Variants in ADGRD1 observed in about 807,000 individuals in gnomAD.
ADGRD1 encodes the protein G-protein coupled receptor 133.
A neutral mutation model predicts 113.4 loss-of-function variants in ADGRD1; 77 were observed. The ratio of observed to expected loss-of-function variants is 0.68; its 90% CI spans 0.57 to 0.82. ADGRD1 has a LOEUF of 0.82. ADGRD1 is among the 40% of genes least tolerant of loss of function. ADGRD1 has a pLI of 0.00. For synonymous variants in ADGRD1, 474 were observed against 475.0 expected (o/e 1.00, Z 0.03); for missense variants, 1,036 against 1,139.1 (o/e 0.91, Z 1.30).
intron 11 of ADGRD1, 96 bp downstream of exon 11, chr12:131,004,392 G>GCTGCGGTGTTCCCCCGGGCCGC: frequency 1.3e-6 from 1 of 790,718 alleles, no homozygotes. Flanking sequence ...GCGCCAGGGA[G>GCTGCGGTGTTCCCCCGGGCCGC]CTGCGGTGCT....
chr12:130,963,161 A>G (rs1870571879), intron 2 of ADGRD1: 1 of 152,006 alleles, frequency 6.6e-6, no homozygotes, highest in Non-Finnish European at 1.5e-5. Context: ...TCTACTACAA[A>G]TACAAAAAAT....
Position 130,971,526 on chromosome 12 carries a change from T to C in ADGRD1, c.256T>C (p.Tyr86His). Residue 86 changes from tyrosine (Y) to histidine (H), a missense_variant, in exon 4 of 25, where the codon TAC becomes CAC. Coordinates refer to ENST00000261654, the MANE Select transcript of ADGRD1 (RefSeq NM_198827.5). The surrounding 1 kb of genome is among the most constrained non-coding windows in gnomAD (Gnocchi z 4.2). ...KEEKGVTLLY[Y>H]GRYNSSCISK... ...GGAAAAGGGAGTCACGCTTCTCTAT[T>C]ACGGCAGGTACAACAGCTCCTGCAT... The C allele has an allele frequency of 6.2e-7, 1 of 1,613,668 alleles. No homozygotes were observed. Among genetic ancestry groups the C allele is most frequent in the Admixed American group, 1.7e-5 (1 of 59,952 alleles).
chr12:130,966,527 A>G lies in ADGRD1; in HGVS notation c.168A>G (p.Glu56=). ...TGGAGAATGTGGATGGGATCCATGAACTTCAGGATACAACTGGAGGTAGAG... is the reference window on the plus strand; with the variant it reads ...TGGAGAATGTGGATGGGATCCATGAGCTTCAGGATACAACTGGAGGTAGAG... ...WPLENVDGIH[E]LQDTTGDIVE... is the part of the protein sequence containing the mutation. The change falls in exon 3 of 25, where the codon GAA becomes GAG. Residue 56 remains glutamate, a synonymous_variant. Transcript: ENST00000261654. The surrounding 1 kb of genome is among the most constrained non-coding windows in gnomAD (Gnocchi z 4.6). The G allele has an allele frequency of 3.1e-6, 5 of 1,608,114 alleles. No individual in the cohort carries two copies. Among genetic ancestry groups the G allele is most frequent in the Non-Finnish European group, 4.3e-6 (5 of 1,174,546 alleles).
In ADGRD1 at chr12:130,966,332, T is replaced by C; in HGVS notation, c.104-131T>C. 1.7e-6 allele frequency: 1 copy of C among 598,762 alleles called. No individual in the cohort carries two copies. Among genetic ancestry groups the C allele is most frequent in the Non-Finnish European group, 3.0e-6 (1 of 333,610 alleles). The allele number at this position is 598,762 out of a possible 1,614,324, so 37.1% of individuals were successfully genotyped here. ...AGTGTGTGTTGAATTTTATTAAATA[T>C]GCTTTCAGTATCTCCCACAGACATG... On this transcript the variant is annotated intron_variant, in intron 2 of 24. Coordinates refer to ENST00000261654, the MANE Select transcript of ADGRD1 (RefSeq NM_198827.5). The surrounding 1 kb of genome is among the most constrained non-coding windows in gnomAD (Gnocchi z 4.6).
At chr12:131,073,215 C>A (rs1054482476) in intron 13 of ADGRD1, among the ~76,000 whole-genome samples, 1 of 152,256 alleles carries the variant, frequency 6.6e-6, no homozygotes, top group African/African-American at 2.4e-5. Flanking sequence ...CCATGCTGGA[C>A]TGTCTTATGA....
In ADGRD1 at chr12:131,122,822, C is replaced by T. The variant is rs140450319; in HGVS notation, c.2175+1909C>T. Reference sequence around the variant, plus strand: ...TGACAGCTGGGGTTCCGAGGTGGCTCTGCCTGGCTCCTTCACCACCCACAC... The same window carrying T: ...TGACAGCTGGGGTTCCGAGGTGGCTTTGCCTGGCTCCTTCACCACCCACAC... On this transcript the variant is annotated intron_variant, in intron 20 of 24. Coordinates refer to ENST00000261654, the MANE Select transcript of ADGRD1 (RefSeq NM_198827.5). 5.5e-3 allele frequency among the ~76,000 whole-genome samples: 844 copies of T among 152,278 alleles called. 8 individuals carry two copies. Among genetic ancestry groups the T allele is most frequent in the African/African-American group, 0.018 (750 of 41,556 alleles).
At chr12:131,002,678 A>G (rs1392271093) in intron 9 of ADGRD1, 40 of 1,167,740 alleles carry the variant, frequency 3.4e-5, no homozygotes, top group Non-Finnish European at 4.3e-5. Context: ...CTCTTGGAGT[A>G]GAAGGCAAGC....
intron 12 of ADGRD1, among the ~76,000 whole-genome samples, chr12:131,010,409 A>G (rs1877725234): frequency 6.6e-6 from 1 of 152,230 alleles, no homozygotes; most frequent in South Asian, 2.1e-4. Context: ...CCAATGTGAC[A>G]TGGTAACTGT....
At chr12:131,117,783 A>G (rs981422785) in intron 18 of ADGRD1, among the ~76,000 whole-genome samples, 2 of 152,246 alleles carry the variant, frequency 1.3e-5, no homozygotes, top group African/African-American at 4.8e-5. Flanking sequence ...GACTGTGTGC[A>G]TGGCAAAGTC....
intron 13 of ADGRD1, among the ~76,000 whole-genome samples, chr12:131,062,977 G>A (rs1884456005): frequency 6.6e-6 from 1 of 152,154 alleles, no homozygotes; most frequent in Non-Finnish European, 1.5e-5. Context: ...TTTTCCCAAT[G>A]ATGAGTGATG....
At chr12:131,071,522 G>C (rs1039815074) in intron 13 of ADGRD1, among the ~76,000 whole-genome samples, 5 of 152,138 alleles carry the variant, frequency 3.3e-5, no homozygotes, top group Admixed American at 6.5e-5. Flanking sequence ...TTAATTCTCT[G>C]GTTTGTCTCT....
chr12:131,065,931 T>A (rs879610605), intron 13 of ADGRD1, among the ~76,000 whole-genome samples: 1 of 152,118 alleles, frequency 6.6e-6, no homozygotes, highest in Non-Finnish European at 1.5e-5. Context: ...GCCCTGGTCT[T>A]TGGGCCTCTC....
intron 4 of ADGRD1, among the ~76,000 whole-genome samples, chr12:130,973,976 G>A (rs982845669): frequency 3.3e-5 from 5 of 152,160 alleles, no homozygotes; most frequent in Admixed American, 1.3e-4. Context: ...TTCAATCAAC[G>A]CTGGCTCGGT....
intron 4 of ADGRD1, chr12:130,980,945 A>G (rs1485543399): frequency 6.6e-6 from 1 of 152,224 alleles, no homozygotes; most frequent in Non-Finnish European, 1.5e-5. Context: ...CGCTCAGACC[A>G]TTTAGTCCAG....
chr12:131,132,845 TG>T (rs752905148), intron 21 of ADGRD1, among the ~76,000 whole-genome samples: 1 of 152,192 alleles, frequency 6.6e-6, no homozygotes, highest in African/African-American at 2.4e-5. Context: ...AAGCAGGGCG[TG>T]GGTACCAGGC....
chr12:131,074,262 C>G (rs1284468156), intron 13 of ADGRD1, among the ~76,000 whole-genome samples: 2 of 152,194 alleles, frequency 1.3e-5, no homozygotes, highest in Admixed American at 6.5e-5. Flanking sequence ...CAGGCACTCC[C>G]CATTAGACAT....
At chr12:130,967,854 C>G (rs780635561) in intron 3 of ADGRD1, 1 of 152,276 alleles carries the variant, frequency 6.6e-6, no homozygotes, top group Non-Finnish European at 1.5e-5. Flanking sequence ...AACCACCCTA[C>G]AGCCAGATGT....
At chr12:131,018,541 C>T (rs1019148097) in intron 13 of ADGRD1, among the ~76,000 whole-genome samples, 6 of 152,108 alleles carry the variant, frequency 3.9e-5, no homozygotes, top group Non-Finnish European at 4.4e-5. Flanking sequence ...CCATCATTCA[C>T]TGACTTCAGG....
At chr12:131,127,730 T>C (rs1950774762) in intron 20 of ADGRD1, among the ~76,000 whole-genome samples, 2 of 141,218 alleles carry the variant, frequency 1.4e-5, no homozygotes, top group Non-Finnish European at 3.1e-5. Context: ...GGTGGGGTGT[T>C]GGTTGTGTTG....
Sources: allele counts gnomAD v4.1 joint callset (sites outside exome capture counted in the v4.1 genomes callset), GRCh38; gene constraint gnomAD v4.1.1; non-coding constraint Gnocchi (gnomAD v3.1); transcripts MANE v1.5; gene names NCBI Gene and HGNC (gene_info 2026-07-23, HGNC 2026-07-21).